The following SLC38A1 variants were observed in gnomAD, a reference collection of about 807,000 sequenced individuals.
SLC38A1 encodes solute carrier family 38 member 1, also known as sodium-coupled neutral amino acid symporter 1.
A neutral mutation model predicts 60.3 loss-of-function variants in SLC38A1; 18 were observed. That is an observed-to-expected ratio of 0.30 (90% CI 0.21 to 0.44). SLC38A1 has a LOEUF of 0.44. SLC38A1 is among the 20% of genes least tolerant of loss of function. SLC38A1 has a pLI of 1.00. For missense variants in SLC38A1, 448 were observed against 587.2 expected (o/e 0.76, Z 2.45); for synonymous variants, 196 against 212.1 (o/e 0.92, Z 0.66).
chr12:46,268,996 C>G lies in SLC38A1; in HGVS notation c.-679G>C. ...CATTCCTCCCCGTCCCGCGCGCGGT[C>G]TCCTCCCCTCCTGTGCGCCCGCTCT... On this transcript the variant is annotated 5_prime_UTR_variant, in exon 1 of 17. Coordinates refer to ENST00000398637, the MANE Select transcript of SLC38A1 (RefSeq NM_030674.4). The surrounding 1 kb of genome is among the most constrained non-coding windows in gnomAD (Gnocchi z 4.4). 2.7e-6 allele frequency: 1 copy of G among 364,570 alleles called. No homozygotes were observed. Among genetic ancestry groups the G allele is most frequent in the South Asian group, 1.9e-5 (1 of 51,932 alleles). 22.6% of individuals were successfully genotyped at this position (364,570 alleles called of 1,614,324 possible).
intron 3 of SLC38A1, among the ~76,000 whole-genome samples, chr12:46,232,003 G>C (rs1941095674): frequency 6.6e-6 from 1 of 152,132 alleles, no homozygotes; most frequent in Non-Finnish European, 1.5e-5. Context: ...TTTATTCATT[G>C]ACGTTTTTCA....
At chr12:46,208,991 A>G (rs1421571100) in intron 6 of SLC38A1, 63 bp downstream of exon 6, 11 of 1,153,452 alleles carry the variant, frequency 9.5e-6, no homozygotes, top group Non-Finnish European at 1.4e-5. Flanking sequence ...TCATTGTTCC[A>G]CAATGCTACC....
At chr12:46,243,458 G>A (rs1357221216) in intron 1 of SLC38A1, 144 bp from the exon 2 acceptor site, 2 of 152,056 alleles carry the variant, frequency 1.3e-5, no homozygotes, top group Non-Finnish European at 2.9e-5. Flanking sequence ...GTAAGCACAG[G>A]TCTACACCAT....
chr12:46,217,770 A>G (rs891156897), intron 5 of SLC38A1, among the ~76,000 whole-genome samples: 4 of 152,210 alleles, frequency 2.6e-5, no homozygotes, highest in African/African-American at 7.2e-5. Flanking sequence ...GCATGTGATC[A>G]TGTATAATGC....
intron 16 of SLC38A1, among the ~76,000 whole-genome samples, chr12:46,194,122 G>A (rs911545664): frequency 1.4e-4 from 21 of 152,232 alleles, no homozygotes; most frequent in South Asian, 4.1e-4. Flanking sequence ...TTTGTAAGGC[G>A]AGCCTGGTGG....
In SLC38A1 at chr12:46,229,639, G is replaced by T; in HGVS notation, c.123C>A (p.Ser41Arg). The T allele has an allele frequency of 1.2e-6, 2 of 1,612,326 alleles. No homozygotes were observed. The highest frequency in any genetic ancestry group is 1.7e-6 in the Non-Finnish European group (2 of 1,178,944). ...TACTTTCACGATCAGAAATAAACTT[G>T]CTGTAAAGACATGCGTAATATATTT... is the stretch of plus-strand genomic sequence containing the variant. Reference protein sequence around the residue: ...FTEVENGQINSKFISDRESRR... With the variant: ...FTEVENGQINRKFISDRESRR... The change falls in exon 4 of 17, where the codon AGC becomes AGA. Residue 41 changes from serine (S) to arginine (R), a missense_variant and splice_region_variant. By Grantham distance (110) the Ser-to-Arg change is moderately radical. Around this residue, in one of 2 missense-constraint regions of SLC38A1, gnomAD observed 102 missense variants for 89.7 expected, o/e 1.14. Coordinates refer to ENST00000398637, the MANE Select transcript of SLC38A1 (RefSeq NM_030674.4).
intron 16 of SLC38A1, chr12:46,196,170 A>G (rs1939366928): frequency 6.5e-6 from 10 of 1,536,116 alleles, no homozygotes; most frequent in Non-Finnish European, 8.7e-6. Context: ...ACACAAGATT[A>G]TAAGTTCCTT....
At chr12:46,219,073 GTAGT>G (rs1940542452) in intron 5 of SLC38A1, among the ~76,000 whole-genome samples, 2 of 152,342 alleles carry the variant, frequency 1.3e-5, no homozygotes, top group Middle Eastern at 3.4e-3. Flanking sequence ...TTCTAATCGT[GTAGT>G]TAATTTGTTA....
chr12:46,195,409 T>C (rs984436551), intron 16 of SLC38A1, among the ~76,000 whole-genome samples: 8 of 152,138 alleles, frequency 5.3e-5, no homozygotes, highest in Admixed American at 2.0e-4. Context: ...GGGACCTGCT[T>C]GGGGAGGCAG....
Position 46,207,552 on chromosome 12 carries a change from G to A in SLC38A1, c.458C>T (p.Ala153Val). The change falls in exon 7 of 17, where the codon GCC becomes GTC. Residue 153 changes from alanine (A) to valine (V), a missense_variant. Physicochemically the swap from Ala to Val is moderately conservative, Grantham distance 64. This residue lies in a region of SLC38A1 where 346 missense variants were observed against 497.5 expected (regional missense o/e 0.70). Transcript: ENST00000398637. Reference protein sequence around the residue: ...GTTGKFVIFGATSLQNTGAML... With the variant: ...GTTGKFVIFGVTSLQNTGAML... ...ACCTCCAGTGTTCTGTAGAGAGGTG[G>A]CTCCAAAGATTACGAACTTCCCTGT... 6.2e-7 allele frequency: 1 copy of A among 1,613,866 alleles called. No homozygotes were observed. The highest frequency in any genetic ancestry group is 8.5e-7 in the Non-Finnish European group (1 of 1,179,780).
chr12:46,260,578 G>T (rs1942166493), intron 1 of SLC38A1, among the ~76,000 whole-genome samples: 1 of 152,058 alleles, frequency 6.6e-6, no homozygotes, highest in African/African-American at 2.4e-5. Context: ...CTGCCTTCTG[G>T]ACTGCTCCAT....
intron 6 of SLC38A1, among the ~76,000 whole-genome samples, chr12:46,208,720 A>G (rs1442082729): frequency 6.6e-6 from 1 of 152,198 alleles, no homozygotes; most frequent in Non-Finnish European, 1.5e-5. Context: ...GTTATAATAT[A>G]AAAACATGGG....
At position 46,218,391 on chromosome 12, in the gene SLC38A1, G is replaced by A. The variant is rs569694760; in HGVS notation, c.315-9264C>T. Among the ~76,000 whole-genome samples, 16 of 152,186 alleles carry A rather than the reference G, an allele frequency of 1.1e-4. No individual in the cohort carries two copies. The East Asian group carries it at 2.1e-3, about 20-fold the overall frequency. On this transcript the variant is annotated intron_variant, in intron 5 of 16. Transcript: ENST00000398637. ...TGAAGTAAAGGAATATGCTGTTCTCGGTGGGTATTTGGGACTTTTGTTCCG... is the reference window on the plus strand; with the variant it reads ...TGAAGTAAAGGAATATGCTGTTCTCAGTGGGTATTTGGGACTTTTGTTCCG...
At chr12:46,220,476 G>A (rs568673751) in intron 5 of SLC38A1, among the ~76,000 whole-genome samples, 2 of 152,278 alleles carry the variant, frequency 1.3e-5, no homozygotes, top group East Asian at 1.9e-4. Flanking sequence ...GGATCATCCG[G>A]AAGAGTAGGG....
At chr12:46,194,871 G>A (rs1175119578) in intron 16 of SLC38A1, among the ~76,000 whole-genome samples, 1 of 151,996 alleles carries the variant, frequency 6.6e-6, no homozygotes, top group African/African-American at 2.4e-5. Context: ...TTTGCGATGG[G>A]TTAGAAGATG....
rs1941159631 is a variant in SLC38A1, at chr12:46,233,737, AG to A, written c.123-4099del. The stretch of plus-strand genomic sequence containing the variant: ...CTATTTTAATGAGTAACCGTTAAAT[AG>A]CACATTAAAACACATTATTTGTAGA... On this transcript the variant is annotated intron_variant, in intron 3 of 16. Transcript: ENST00000398637. 2.0e-5 allele frequency among the ~76,000 whole-genome samples: 3 copies of A among 152,364 alleles called. No individual in the cohort carries two copies. In the South Asian group the frequency reaches 6.2e-4, roughly 32 times the overall value.
intron 1 of SLC38A1, among the ~76,000 whole-genome samples, chr12:46,246,350 T>C (rs1010794395): frequency 1.3e-5 from 2 of 152,224 alleles, no homozygotes; most frequent in African/African-American, 2.4e-5. Context: ...AACCAGGAGA[T>C]TGTATCCTGC....
Position 46,183,977 on chromosome 12 carries a change from T to C in SLC38A1, c.*4993A>G, listed in dbSNP as rs1938853629. ...CAGTGCAGATCAACAACTTCAAAAATATACAGCCTCCTATTTATTTACAAT... is the reference window on the plus strand; with the variant it reads ...CAGTGCAGATCAACAACTTCAAAAACATACAGCCTCCTATTTATTTACAAT... On this transcript the variant is annotated 3_prime_UTR_variant, in exon 17 of 17. Coordinates refer to ENST00000398637, the MANE Select transcript of SLC38A1 (RefSeq NM_030674.4). 6.6e-6 allele frequency: 1 copy of C among 152,626 alleles called. No homozygotes were observed. The highest frequency in any genetic ancestry group is 6.6e-5 in the Admixed American group (1 of 15,264). 9.5% of individuals were successfully genotyped at this position (152,626 alleles called of 1,614,324 possible).
At chr12:46,249,024 C>T (rs1245499567) in intron 1 of SLC38A1, among the ~76,000 whole-genome samples, 8 of 151,782 alleles carry the variant, frequency 5.3e-5, no homozygotes, top group East Asian at 1.9e-4. Flanking sequence ...GGTGCGGTGG[C>T]GGGTGCCTGT....
Sources: allele counts gnomAD v4.1 joint callset (sites outside exome capture counted in the v4.1 genomes callset), GRCh38; gene constraint gnomAD v4.1.1; regional missense constraint gnomAD v4.1.1; non-coding constraint Gnocchi (gnomAD v3.1); transcripts MANE v1.5; gene names NCBI Gene and HGNC (gene_info 2026-07-23, HGNC 2026-07-21).